The following GTF3C1 variants were observed in gnomAD, a reference collection of about 807,000 sequenced individuals.
The protein encoded by GTF3C1 is general transcription factor 3C polypeptide 1.
A neutral mutation model predicts 226.7 loss-of-function variants in GTF3C1; 57 were observed. That is an observed-to-expected ratio of 0.25 (90% CI 0.20 to 0.31). The LOEUF is 0.31. Among genes scored for constraint, GTF3C1 ranks in the 10% least tolerant of loss-of-function variants. The pLI is 1.00. For missense variants in GTF3C1, 2,217 were observed against 2,776.1 expected (o/e 0.80, Z 4.53); for synonymous variants, 1,090 against 1,084.8 (o/e 1.00, Z -0.09).
At position 27,465,368 on chromosome 16, in the gene GTF3C1, A is replaced by G. The variant is rs1254079044; in HGVS notation, c.5247T>C (p.Ile1749=). 1 of 1,614,110 alleles carries G rather than the reference A, an allele frequency of 6.2e-7. No homozygotes were observed. The highest frequency in any genetic ancestry group is 8.5e-7 in the Non-Finnish European group (1 of 1,179,986). ...LTAALEILEA[I]IATGCFGIDK... ...CAATCCCAAAACAACCCGTGGCTAT[A>G]ATGGCTTCCAAGATCTCCAAGGCAG... Residue 1749 remains isoleucine (I), a synonymous_variant, in exon 33 of 37, where the codon ATT becomes ATC. Coordinates refer to ENST00000356183, the MANE Select transcript of GTF3C1 (RefSeq NM_001520.4).
chr16:27,545,204 TG>T (rs2089145387), intron 2 of GTF3C1, 109 bp downstream of exon 2: 6 of 785,780 alleles, frequency 7.6e-6, no homozygotes, highest in Non-Finnish European at 2.2e-6. Context: ...CTTGAACTCC[TG>T]GCCTCAAGTG....
chr16:27,522,212 T>A (rs950603011), intron 6 of GTF3C1, among the ~76,000 whole-genome samples: 11 of 152,220 alleles, frequency 7.2e-5, no homozygotes, highest in Non-Finnish European at 1.5e-5. Flanking sequence ...CCATCACCAA[T>A]CAATTCTAGA....
At chr16:27,538,969 T>TACAC (rs1424029036) in intron 2 of GTF3C1, among the ~76,000 whole-genome samples, 40 of 128,876 alleles carry the variant, frequency 3.1e-4, no homozygotes, top group African/African-American at 1.1e-3. Flanking sequence ...TATACACACA[T>TACAC]ATACACACAC....
chr16:27,493,292 T>A lies in GTF3C1; in HGVS notation c.2783A>T (p.Asp928Val). 6.3e-7 allele frequency: 1 copy of A among 1,578,530 alleles called. No homozygotes were observed. The highest frequency in any genetic ancestry group is 8.7e-7 in the Non-Finnish European group (1 of 1,147,490). The change falls in exon 17 of 37, where the codon GAC becomes GTC. Residue 928 changes from aspartate (D) to valine (V), a missense_variant. By Grantham distance (152) the Asp-to-Val change is radical. Coordinates refer to ENST00000356183, the MANE Select transcript of GTF3C1 (RefSeq NM_001520.4). ...GTCGTTCAGAAATTCCTCCAGGTTG[T>A]CCACCTGAAGAGGTGATGTGCAGGT... ...IQIVQVSYKVDNLEEFLNDPL... is the reference protein window; with the variant it reads ...IQIVQVSYKVVNLEEFLNDPL...
Position 27,501,241 on chromosome 16 carries a change from G to A in GTF3C1, c.2011C>T (p.Leu671Phe), listed in dbSNP as rs1040978529. The A allele has an allele frequency of 5.0e-6, 8 of 1,614,010 alleles. No individual in the cohort carries two copies. Among genetic ancestry groups the A allele is most frequent in the Non-Finnish European group, 6.8e-6 (8 of 1,179,966 alleles). Residue 671 changes from leucine to phenylalanine, a missense_variant, in exon 12 of 37, where the codon CTC (leucine) becomes TTC (phenylalanine). Transcript: ENST00000356183. ...ACAGTGGTCCGATACAATCGCAAGA[G>A]ACCTTCCTCAGACAGGTTCCGCACC... ...RLVRNLSEEGLLRLYRTTVIQ... is the reference protein window; with the variant it reads ...RLVRNLSEEGFLRLYRTTVIQ...
At chr16:27,500,482 T>C (rs1054704395) in intron 12 of GTF3C1, among the ~76,000 whole-genome samples, 1 of 152,228 alleles carries the variant, frequency 6.6e-6, no homozygotes, top group African/African-American at 2.4e-5. Context: ...TGCTAGCTTA[T>C]TAAGAAAACA....
Position 27,462,177 on chromosome 16 carries a change from G to T in GTF3C1, c.6117+117C>A. The stretch of plus-strand genomic sequence containing the variant: ...GAGCCCAGGACAAGCTGGGGGAGGA[G>T]GTGCAGGCAAGCAGTATGGTGGTAC... On this transcript the variant is annotated intron_variant, in intron 36 of 36. Transcript: ENST00000356183. The surrounding 1 kb of genome is among the most constrained non-coding windows in gnomAD (Gnocchi z 4.5). 1 of 689,390 alleles carries T rather than the reference G, an allele frequency of 1.5e-6. No homozygotes were observed. The highest frequency in any genetic ancestry group is 1.8e-5 in the South Asian group (1 of 56,572). The allele number at this position is 689,390 out of a possible 1,614,324, so 42.7% of individuals were successfully genotyped here.
Position 27,494,794 on chromosome 16 carries a change from A to T in GTF3C1, c.2747T>A (p.Ile916Asn). The T allele has an allele frequency of 6.2e-7, 1 of 1,612,936 alleles. No homozygotes were observed. The highest frequency in any genetic ancestry group is 8.5e-7 in the Non-Finnish European group (1 of 1,178,932). ...SDILLCLPLS[I>N]FIQIVQVSYK... ...GCTGACTTGCACAATCTGGATGAAG[A>T]TGGAGAGGGGAAGGCAGAGGAGGAT... is the stretch of plus-strand genomic sequence containing the variant. Residue 916 changes from isoleucine (I) to asparagine (N), a missense_variant, in exon 16 of 37, where the codon ATC becomes AAC. Ile to Asn is a moderately radical substitution (Grantham distance 149). This residue lies in a region of GTF3C1 where 353 missense variants were observed against 411.7 expected (regional missense o/e 0.86). Coordinates refer to ENST00000356183, the MANE Select transcript of GTF3C1 (RefSeq NM_001520.4).
Position 27,538,171 on chromosome 16 carries a change from C to T in GTF3C1, c.608+9G>A. The T allele has an allele frequency of 6.5e-7, 1 of 1,527,964 alleles. No individual in the cohort carries two copies. Among genetic ancestry groups the T allele is most frequent in the Non-Finnish European group, 8.8e-7 (1 of 1,132,140 alleles). The allele number at this position is 1,527,964 out of a possible 1,614,324, so 94.7% of individuals were successfully genotyped here. A position where few individuals can be genotyped will look rare whatever the true frequency, so the allele number is the denominator to read the frequency against. ...AATTTAAAGCAGAGAAGCAAATCCC[C>T]CCACTTACTTGAAAGCAGTGGTGTG... is the stretch of plus-strand genomic sequence containing the variant. On this transcript the variant is annotated intron_variant, in intron 3 of 36. Coordinates refer to ENST00000356183, the MANE Select transcript of GTF3C1 (RefSeq NM_001520.4).
intron 6 of GTF3C1, among the ~76,000 whole-genome samples, chr16:27,515,092 G>A (rs796212189): frequency 8.5e-5 from 13 of 152,268 alleles, no homozygotes; most frequent in African/African-American, 3.1e-4. Flanking sequence ...GCAAGAAACG[G>A]TACTAGTAAA....
At chr16:27,499,302 G>A (rs1466508485) in intron 12 of GTF3C1, among the ~76,000 whole-genome samples, 1 of 152,238 alleles carries the variant, frequency 6.6e-6, no homozygotes, top group Admixed American at 6.5e-5. Flanking sequence ...ATCATTTCAT[G>A]AGAGATACAC....
Position 27,495,477 on chromosome 16 carries a change from C to T in GTF3C1, c.2366G>A (p.Arg789His), listed in dbSNP as rs777662266. 6 of 1,613,174 alleles carry T rather than the reference C, an allele frequency of 3.7e-6. No individual in the cohort carries two copies. The highest frequency in any genetic ancestry group is 1.1e-5 in the South Asian group (1 of 90,914). Residue 789 changes from arginine (R) to histidine (H), a missense_variant, in exon 15 of 37, where the codon CGT becomes CAT. Arg to His is a conservative substitution (Grantham distance 29). Coordinates refer to ENST00000356183, the MANE Select transcript of GTF3C1 (RefSeq NM_001520.4). Reference protein sequence around the residue: ...YHPIVVPGLGRSLGFLPKMPR... With the variant: ...YHPIVVPGLGHSLGFLPKMPR... The stretch of plus-strand genomic sequence containing the variant: ...CATTTTGGGCAGAAATCCTAGAGAA[C>T]GCCCCAGTCCGGGAACTAAAGCAAG...
chr16:27,540,307 A>C (rs1187042331), intron 2 of GTF3C1, among the ~76,000 whole-genome samples: 1 of 152,272 alleles, frequency 6.6e-6, no homozygotes, highest in Non-Finnish European at 1.5e-5. Context: ...CACGACAGAA[A>C]GTCCACTTTA....
In GTF3C1 at chr16:27,496,021, G is replaced by A. The variant is rs542737484; in HGVS notation, c.2351-529C>T. 9.8e-5 allele frequency among the ~76,000 whole-genome samples: 15 copies of A among 152,322 alleles called. No homozygotes were observed. In the South Asian group the frequency reaches 3.1e-3, roughly 32 times the overall value. ...ATGTGATCCTCGGTGCTGGTGGTGG[G>A]GCCAGGTGGGAGGCGTCTGGGTATG... On this transcript the variant is annotated intron_variant, in intron 14 of 36. Transcript: ENST00000356183.
At chr16:27,474,861 G>T (rs1475013044) in intron 29 of GTF3C1, among the ~76,000 whole-genome samples, 1 of 152,216 alleles carries the variant, frequency 6.6e-6, no homozygotes, top group Non-Finnish European at 1.5e-5. Context: ...AGTGTATGAG[G>T]ACATTTCTCG....
At chr16:27,495,866 C>T (rs1003152470) in intron 14 of GTF3C1, among the ~76,000 whole-genome samples, 2 of 152,148 alleles carry the variant, frequency 1.3e-5, no homozygotes, top group African/African-American at 2.4e-5. Flanking sequence ...GGGGGTGTGC[C>T]CCGCACATTC....
In GTF3C1 at chr16:27,489,576, C is replaced by T. The variant is rs751144989; in HGVS notation, c.3293+26G>A. 25 of 1,577,236 alleles carry T rather than the reference C, an allele frequency of 1.6e-5. No homozygotes were observed. The Middle Eastern group carries it at 8.5e-4, about 54-fold the overall frequency. ...AGCACCACCGCAGCCCAGTCCTGGC[C>T]GGCCGCGCTTGGGACGGACACGCAC... On this transcript the variant is annotated intron_variant, in intron 20 of 36. Coordinates refer to ENST00000356183, the MANE Select transcript of GTF3C1 (RefSeq NM_001520.4).
chr16:27,481,477 C>T (rs369008773), intron 26 of GTF3C1, among the ~76,000 whole-genome samples: 2 of 152,080 alleles, frequency 1.3e-5, no homozygotes, highest in African/African-American at 4.8e-5. Context: ...TCTCCCAAGC[C>T]CCAGGTGAGA....
intron 4 of GTF3C1, 72 bp downstream of exon 4, chr16:27,537,712 C>A: frequency 8.9e-7 from 1 of 1,120,348 alleles, no homozygotes; most frequent in African/African-American, 1.6e-5. Flanking sequence ...CCAGCTGCCC[C>A]TACAATTTTT....
Sources: allele counts gnomAD v4.1 joint callset (sites outside exome capture counted in the v4.1 genomes callset), GRCh38; gene constraint gnomAD v4.1.1; regional missense constraint gnomAD v4.1.1; non-coding constraint Gnocchi (gnomAD v3.1); transcripts MANE v1.5; gene names NCBI Gene and HGNC (gene_info 2026-07-23, HGNC 2026-07-21).